NELL1: variants seen among roughly 807,000 people sequenced by gnomAD.
NELL1 encodes protein kinase C-binding protein NELL1.
Under a neutral mutation model 107.4 loss-of-function variants are expected in NELL1, and 76 were observed. That is an observed-to-expected ratio of 0.71 (90% confidence interval 0.59 to 0.86). NELL1 has a LOEUF of 0.86. Among genes scored for constraint, NELL1 ranks in the 40% least tolerant of loss-of-function variants. The probability of loss-of-function intolerance (pLI) is 0.00; values close to 1 mark genes in which losing one functional copy is unlikely to be tolerated. For missense variants in NELL1, 1,024 were observed against 1,005.5 expected (o/e 1.02, Z -0.25); for synonymous variants, 353 against 341.2 (o/e 1.03, Z -0.38).
At chr11:21,310,992 C>G (rs1243616035) in intron 14 of NELL1, among the ~76,000 whole-genome samples, 1 of 152,198 alleles carries the variant, frequency 6.6e-6, no homozygotes, top group East Asian at 1.9e-4. Context: ...CAGCAGACAC[C>G]AAGCAAGTAA....
At chr11:21,425,017 A>G (rs564290623) in intron 15 of NELL1, among the ~76,000 whole-genome samples, 1 of 152,340 alleles carries the variant, frequency 6.6e-6, no homozygotes, top group Non-Finnish European at 1.5e-5. Flanking sequence ...TATGAATGTT[A>G]ATGCAAACAT....
At chr11:21,361,413 A>G (rs1294562166) in intron 14 of NELL1, among the ~76,000 whole-genome samples, 2 of 151,870 alleles carry the variant, frequency 1.3e-5, no homozygotes, top group Non-Finnish European at 2.9e-5. Flanking sequence ...CACACCTCTT[A>G]AGATTCTTTC....
intron 12 of NELL1, among the ~76,000 whole-genome samples, chr11:20,993,946 C>A (rs967274956): frequency 6.6e-6 from 1 of 151,166 alleles, no homozygotes; most frequent in African/African-American, 2.4e-5. Flanking sequence ...TTTATGCATC[C>A]TCAATAATAT....
At chr11:21,260,544 A>G (rs988808193) in intron 14 of NELL1, 1 of 151,916 alleles carries the variant, frequency 6.6e-6, no homozygotes, top group African/African-American at 2.4e-5. Flanking sequence ...CCATTTAGGT[A>G]TGCACATTCT....
chr11:21,498,501 T>A (rs1032763670), intron 15 of NELL1, among the ~76,000 whole-genome samples: 7 of 151,612 alleles, frequency 4.6e-5, no homozygotes, highest in African/African-American at 1.7e-4. Context: ...ATAATTTTTT[T>A]AAGTACTATA....
intron 3 of NELL1, among the ~76,000 whole-genome samples, chr11:20,835,752 C>A (rs890366671): frequency 2.2e-4 from 33 of 152,142 alleles, no homozygotes; most frequent in African/African-American, 7.7e-4. Context: ...TGGACAAAGA[C>A]CCTATGCCTT....
In NELL1 at chr11:20,704,463, G is replaced by T. The variant is rs181620086; in HGVS notation, c.184+26403G>T. ...TGGGTCTTGACTCTTTATCCAATTT[G>T]CCAGTCTGTGTCTTTTAATTGGAGC... On this transcript the variant is annotated intron_variant, in intron 2 of 19. Coordinates refer to ENST00000357134, the MANE Select transcript of NELL1 (RefSeq NM_006157.5). 3.9e-5 allele frequency among the ~76,000 whole-genome samples: 6 copies of T among 152,230 alleles called. No individual in the cohort carries two copies. The East Asian group carries it at 1.2e-3, about 29-fold the overall frequency.
intron 15 of NELL1, among the ~76,000 whole-genome samples, chr11:21,496,070 G>A (rs559291368): frequency 3.9e-5 from 6 of 152,060 alleles, no homozygotes; most frequent in South Asian, 2.1e-4. Flanking sequence ...ATAAGGTCAC[G>A]TGACCCTGAA....
At position 20,981,688 on chromosome 11, in the gene NELL1, TTC is replaced by T. The variant is rs548656190; in HGVS notation, c.1300+21132_1300+21133del. Among the ~76,000 whole-genome samples the T allele has an allele frequency of 3.9e-5, 6 of 152,316 alleles. No homozygotes were observed. The East Asian group carries it at 1.2e-3, about 29-fold the overall frequency. On this transcript the variant is annotated intron_variant, in intron 12 of 19. Coordinates refer to ENST00000357134, the MANE Select transcript of NELL1 (RefSeq NM_006157.5). ...CTATTTCTATTTGTCACCTTCTGAT[TTC>T]TCTTATATCAATAAGCTAAGAAAGT...
intron 3 of NELL1, among the ~76,000 whole-genome samples, chr11:20,787,589 AT>A (rs1856993312): frequency 6.6e-6 from 1 of 152,158 alleles, no homozygotes; most frequent in South Asian, 2.1e-4. Context: ...TGGTAGATAG[AT>A]TGTTGGCTTA....
intron 3 of NELL1, among the ~76,000 whole-genome samples, chr11:20,794,408 T>C (rs1422433796): frequency 1.3e-5 from 2 of 152,202 alleles, no homozygotes; most frequent in East Asian, 3.8e-4. Context: ...GAAAAAAGGA[T>C]TTGTCTTCTT....
chr11:20,960,695 T>A, intron 12 of NELL1, 135 bp downstream of exon 12: 1 of 1,004,162 alleles, frequency 1.0e-6, no homozygotes, highest in Non-Finnish European at 1.5e-6. Context: ...TATCAATTGC[T>A]GAGGGTTCTC....
At chr11:21,519,686 C>T (rs1855669682) in intron 15 of NELL1, among the ~76,000 whole-genome samples, 1 of 151,956 alleles carries the variant, frequency 6.6e-6, no homozygotes, top group Admixed American at 6.6e-5. Context: ...TGCCTGCCCC[C>T]AGGATGAAGG....
chr11:21,432,340 A>G (rs1852988251), intron 15 of NELL1, among the ~76,000 whole-genome samples: 1 of 152,172 alleles, frequency 6.6e-6, no homozygotes. Flanking sequence ...AGATAATATT[A>G]GTTCTTATTA....
chr11:20,707,324 G>T (rs1854991475), intron 2 of NELL1, among the ~76,000 whole-genome samples: 1 of 151,546 alleles, frequency 6.6e-6, no homozygotes, highest in African/African-American at 2.4e-5. Context: ...CTTTAGCTCA[G>T]AGAAGTTTGT....
At chr11:20,975,584 A>G (rs1006300071) in intron 12 of NELL1, among the ~76,000 whole-genome samples, 1 of 144,638 alleles carries the variant, frequency 6.9e-6, no homozygotes, top group Non-Finnish European at 1.5e-5. Flanking sequence ...TTATATACAC[A>G]TATGTAGATA....
At chr11:21,506,759 C>A (rs533190035) in intron 15 of NELL1, among the ~76,000 whole-genome samples, 32 of 152,158 alleles carry the variant, frequency 2.1e-4, no homozygotes, top group Non-Finnish European at 4.4e-4. Flanking sequence ...ATATGACCCT[C>A]TCCTTTATTG....
At chr11:21,382,218 T>G (rs1851631838) in intron 15 of NELL1, among the ~76,000 whole-genome samples, 2 of 151,904 alleles carry the variant, frequency 1.3e-5, no homozygotes, top group Non-Finnish European at 2.9e-5. Flanking sequence ...CCTCAGCTTT[T>G]CCATGTAAAA....
intron 13 of NELL1, among the ~76,000 whole-genome samples, chr11:21,150,311 G>A (rs1856085133): frequency 6.6e-6 from 1 of 152,192 alleles, no homozygotes. Context: ...GTGCTGCTAA[G>A]AAAAGGGCTT....
Sources: gnomAD v4.1 joint callset for allele counts (sites outside exome capture counted in the v4.1 genomes callset) on GRCh38, gnomAD v4.1.1 for gene constraint, MANE v1.5 for transcripts, NCBI Gene and HGNC (gene_info 2026-07-23, HGNC 2026-07-21) for gene names.